The following CHCHD6 variants were observed in gnomAD, a reference collection of about 807,000 sequenced individuals.
CHCHD6 encodes coiled-coil-helix-coiled-coil-helix domain containing 6, also known as MICOS complex subunit MIC25.
Under a neutral mutation model 32.3 loss-of-function variants are expected in CHCHD6, and 28 were observed. The ratio of observed to expected loss-of-function variants is 0.87; its 90% CI spans 0.64 to 1.19. The LOEUF is 1.19. CHCHD6 is among the 50% of genes most tolerant of loss of function. The pLI is 0.00. For synonymous variants in CHCHD6, 122 were observed against 117.5 expected (o/e 1.04, Z -0.25); for missense variants, 333 against 307.0 (o/e 1.08, Z -0.63).
intron 6 of CHCHD6, among the ~76,000 whole-genome samples, chr3:126,948,035 G>C (rs1422004068): frequency 6.6e-6 from 1 of 152,208 alleles, no homozygotes; most frequent in Non-Finnish European, 1.5e-5. Flanking sequence ...CCTGGGCCCA[G>C]CCACCATGCC....
chr3:126,753,612 T>C (rs146644801), intron 4 of CHCHD6, among the ~76,000 whole-genome samples: 1 of 152,238 alleles, frequency 6.6e-6, no homozygotes, highest in Non-Finnish European at 1.5e-5. Context: ...TAAAGATCAG[T>C]GTCCTGCCTC....
rs148352448 is a variant in CHCHD6 at position 126,799,363 on chromosome 3, TA to T, written c.412-53283del. ...GCTTATTAGATGAGAATTGCTAGGA[TA>T]GGACCTCAAGATGCCTTGACAAACT... On this transcript the variant is annotated intron_variant, in intron 4 of 7. Coordinates refer to ENST00000290913, the MANE Select transcript of CHCHD6 (RefSeq NM_032343.3). 8.0e-3 allele frequency among the ~76,000 whole-genome samples: 1,221 copies of T among 152,314 alleles called. 8 individuals carry two copies. Among genetic ancestry groups the T allele is most frequent in the Middle Eastern group, 0.014 (4 of 294 alleles).
At chr3:126,809,675 G>A (rs1002458743) in intron 4 of CHCHD6, among the ~76,000 whole-genome samples, 3 of 152,186 alleles carry the variant, frequency 2.0e-5, no homozygotes, top group Non-Finnish European at 2.9e-5. Context: ...TGTGGATGGT[G>A]TGCCACAGAG....
intron 5 of CHCHD6, among the ~76,000 whole-genome samples, chr3:126,855,903 C>T (rs990620364): frequency 6.6e-6 from 1 of 152,154 alleles, no homozygotes; most frequent in Non-Finnish European, 1.5e-5. Context: ...GACAGGAGAA[C>T]CGCAAGGTCC....
chr3:126,822,515 CTGTT>C (rs1340028651), intron 4 of CHCHD6, among the ~76,000 whole-genome samples: 2 of 152,236 alleles, frequency 1.3e-5, no homozygotes, highest in East Asian at 3.9e-4. Context: ...TCCTCTACTT[CTGTT>C]TATTTTCCCT....
intron 6 of CHCHD6, among the ~76,000 whole-genome samples, chr3:126,935,391 A>G (rs1559931519): frequency 6.6e-6 from 1 of 152,222 alleles, no homozygotes; most frequent in Non-Finnish European, 1.5e-5. Context: ...GCTCAGCCCC[A>G]GAATAACTAG....
chr3:126,713,369 T>G (rs1403353490), intron 1 of CHCHD6, among the ~76,000 whole-genome samples: 2 of 152,160 alleles, frequency 1.3e-5, no homozygotes, highest in East Asian at 3.9e-4. Context: ...GTCACATCCT[T>G]TCATGTCTCC....
intron 4 of CHCHD6, among the ~76,000 whole-genome samples, chr3:126,770,547 AT>A (rs950683045): frequency 6.6e-6 from 1 of 152,150 alleles, no homozygotes; most frequent in Admixed American, 6.5e-5. Flanking sequence ...GGGATGTTGA[AT>A]TTTATAGGAA....
At chr3:126,804,943 C>T in intron 4 of CHCHD6, among the ~76,000 whole-genome samples, 1 of 151,954 alleles carries the variant, frequency 6.6e-6, no homozygotes, top group Non-Finnish European at 1.5e-5. Context: ...GAACCAAAGA[C>T]AAAAACCACA....
At chr3:126,727,480 G>C (rs952926606) in intron 2 of CHCHD6, among the ~76,000 whole-genome samples, 10 of 152,208 alleles carry the variant, frequency 6.6e-5, no homozygotes, top group South Asian at 4.1e-4. Context: ...TGCCTTTAAG[G>C]CTCCTCAGAG....
rs1299222820 is a variant in CHCHD6 at position 126,793,007 on chromosome 3, G to A, written c.412-59640G>A. Among the ~76,000 whole-genome samples the A allele has an allele frequency of 3.9e-5, 6 of 152,018 alleles. No individual in the cohort carries two copies. In the South Asian group the frequency reaches 1.0e-3, roughly 26 times the overall value. On this transcript the variant is annotated intron_variant, in intron 4 of 7. Coordinates refer to ENST00000290913, the MANE Select transcript of CHCHD6 (RefSeq NM_032343.3). ...TATGTAAAGTTTCACTTTTTCTCTG[G>A]TAATGTTCTTTGCTTTAAAATCTTC...
intron 4 of CHCHD6, among the ~76,000 whole-genome samples, chr3:126,798,350 A>G (rs533277385): frequency 6.6e-6 from 1 of 151,838 alleles, no homozygotes; most frequent in Non-Finnish European, 1.5e-5. Flanking sequence ...GCCTGCTAAA[A>G]CCTCACTGTT....
chr3:126,880,118 T>A (rs1355059973), intron 5 of CHCHD6, among the ~76,000 whole-genome samples: 1 of 152,146 alleles, frequency 6.6e-6, no homozygotes. Context: ...CATTCTCATG[T>A]GACAATATAC....
chr3:126,939,662 C>A (rs1008275514), intron 6 of CHCHD6, among the ~76,000 whole-genome samples: 2 of 152,220 alleles, frequency 1.3e-5, no homozygotes, highest in African/African-American at 4.8e-5. Context: ...CCTCGGCAGA[C>A]ATGGAACAAG....
intron 1 of CHCHD6, among the ~76,000 whole-genome samples, chr3:126,725,077 T>C (rs1935473390): frequency 2.0e-5 from 3 of 152,236 alleles, no homozygotes; most frequent in Admixed American, 1.3e-4. Context: ...GAATCATGAA[T>C]GTTCTTAATG....
chr3:126,919,163 T>C (rs1346480182), intron 6 of CHCHD6, among the ~76,000 whole-genome samples: 1 of 89,172 alleles, frequency 1.1e-5, no homozygotes. Context: ...AGAGATTGTG[T>C]ATTCTGTCAG....
At chr3:126,767,353 A>T in intron 4 of CHCHD6, 1 of 835,052 alleles carries the variant, frequency 1.2e-6, no homozygotes, top group Non-Finnish European at 2.1e-6. Context: ...AGTTCTGCCC[A>T]CATGCTGCAG....
In CHCHD6 at chr3:126,871,065, C is replaced by G. The variant is rs1211778302; in HGVS notation, c.495+18335C>G. On this transcript the variant is annotated intron_variant, in intron 5 of 7. Coordinates refer to ENST00000290913, the MANE Select transcript of CHCHD6 (RefSeq NM_032343.3). ...GATTCATTTAGTGTGACTGGATGTT[C>G]TCTCACAATCTCTTCCCTGACATAC... Among the ~76,000 whole-genome samples the G allele has an allele frequency of 2.0e-5, 3 of 152,272 alleles. No individual in the cohort carries two copies. The East Asian group carries it at 5.8e-4, about 29-fold the overall frequency.
Position 126,870,639 on chromosome 3 carries a change from G to T in CHCHD6, c.495+17909G>T, listed in dbSNP as rs1016698552. ...TGGCTCCCTCGGGCCACCTTAGTGTGCACACTGGGAAGCCACATTCCCACA... is the reference window on the plus strand; with the variant it reads ...TGGCTCCCTCGGGCCACCTTAGTGTTCACACTGGGAAGCCACATTCCCACA... On this transcript the variant is annotated intron_variant, in intron 5 of 7. Transcript: ENST00000290913. Among the ~76,000 whole-genome samples, 7 of 152,164 alleles carry T rather than the reference G, an allele frequency of 4.6e-5. No individual in the cohort carries two copies. In the East Asian group the frequency reaches 1.3e-3, roughly 29 times the overall value.
Sources: allele counts gnomAD v4.1 joint callset (sites outside exome capture counted in the v4.1 genomes callset), GRCh38; gene constraint gnomAD v4.1.1; transcripts MANE v1.5; gene names NCBI Gene and HGNC (gene_info 2026-07-23, HGNC 2026-07-21).